The following C7orf33 variants were observed in gnomAD, a reference collection of about 807,000 sequenced individuals.
C7orf33 encodes the protein uncharacterized protein C7orf33.
In C7orf33, 15 loss-of-function variants were observed where a neutral mutation model predicts 13.4. The ratio of observed to expected loss-of-function variants is 1.12; its 90% confidence interval spans 0.75 to 1.72. C7orf33 has a LOEUF of 1.72. C7orf33 is among the 40% of genes most tolerant of loss of function. The probability of loss-of-function intolerance (pLI) is 0.00; values close to 1 mark genes in which losing one functional copy is unlikely to be tolerated. For synonymous variants in C7orf33, 73 were observed against 83.2 expected, an observed-to-expected ratio of 0.88 and a Z score of 0.67; for missense variants, 187 against 220.3, an observed-to-expected ratio of 0.85 and a Z score of 0.96.
intron 1 of C7orf33, among the ~76,000 whole-genome samples, chr7:148,593,804 T>A (rs1409700524): frequency 1.3e-5 from 2 of 152,094 alleles, no homozygotes; most frequent in Non-Finnish European, 2.9e-5. Context: ...GAGAGATGCC[T>A]GCTGGAAAAG....
chr7:148,611,087 G>A (rs4263667), intron 1 of C7orf33, among the ~76,000 whole-genome samples: 81,340 of 151,896 alleles, frequency 0.54, 21,975 homozygotes, highest in East Asian at 0.57. Context: ...TTGCCAGACT[G>A]TAGGTGGGCA....
In C7orf33 at chr7:148,599,656, G is replaced by A. The variant is rs191781760; in HGVS notation, c.204+8527G>A. The stretch of plus-strand genomic sequence containing the variant: ...CGTCCTGCTAATTTTTGTATTTTTA[G>A]TAGAGATGGGGTTTCACCATGTTGG... On this transcript the variant is annotated intron_variant, in intron 1 of 2. Transcript: ENST00000307003. Among the ~76,000 whole-genome samples the A allele has an allele frequency of 3.3e-3, 499 of 151,984 alleles. 8 individuals carry two copies. Among genetic ancestry groups the A allele is most frequent in the African/African-American group, 0.011 (457 of 41,466 alleles).
intron 1 of C7orf33, among the ~76,000 whole-genome samples, chr7:148,610,478 C>T (rs561537049): frequency 6.6e-6 from 1 of 152,304 alleles, no homozygotes; most frequent in South Asian, 2.1e-4. Context: ...TTTTGGGACT[C>T]GGACTGGCTG....
chr7:148,605,648 C>G (rs1585462311), intron 1 of C7orf33, among the ~76,000 whole-genome samples: 1 of 152,166 alleles, frequency 6.6e-6, no homozygotes, highest in South Asian at 2.1e-4. Flanking sequence ...CTCATATTCA[C>G]CAGAACCAGT....
intron 1 of C7orf33, among the ~76,000 whole-genome samples, chr7:148,607,119 A>G (rs1196597805): frequency 6.6e-6 from 1 of 152,146 alleles, no homozygotes; most frequent in African/African-American, 2.4e-5. Context: ...AAGAATAGTG[A>G]TTTTTAGAGA....
At chr7:148,602,621 G>A (rs1796429271) in intron 1 of C7orf33, among the ~76,000 whole-genome samples, 1 of 151,886 alleles carries the variant, frequency 6.6e-6, no homozygotes, top group African/African-American at 2.4e-5. Flanking sequence ...TAAAAGTCAA[G>A]GATTCCTGCT....
At chr7:148,599,785 A>G (rs1248374082) in intron 1 of C7orf33, among the ~76,000 whole-genome samples, 1 of 151,960 alleles carries the variant, frequency 6.6e-6, no homozygotes, top group East Asian at 1.9e-4. Flanking sequence ...GAATTCTCAG[A>G]TTTCTTAAAG....
At position 148,614,232 on chromosome 7, in the gene C7orf33, G is replaced by T. The variant is rs1242273718; in HGVS notation, c.395G>T (p.Ser132Ile). ...SDPVVGTLSS[S>I]YLDLLTLSYK... ...CCAGTTGTCGGCACCTTGTCTTCCA[G>T]TTACCTAGATCTGCTAACTCTCTCT... The change falls in exon 2 of 3, where the codon AGT becomes ATT. Residue 132 changes from serine (S) to isoleucine (I), a missense_variant. By Grantham distance (142) the Ser-to-Ile change is moderately radical. Coordinates refer to ENST00000307003, the MANE Select transcript of C7orf33 (RefSeq NM_145304.4). 2 of 1,614,040 alleles carry T rather than the reference G, an allele frequency of 1.2e-6. No homozygotes were observed. Among genetic ancestry groups the T allele is most frequent in the Admixed American group, 3.3e-5 (2 of 59,998 alleles).
rs6965813 is a variant in C7orf33, at chr7:148,614,122, G to A, written c.285G>A (p.Pro95=). The A allele has an allele frequency of 2.0e-3, 3,167 of 1,614,132 alleles. 53 individuals carry two copies. In the African/African-American group the frequency reaches 0.036, roughly 18 times the overall value. ...CAGCTCCCACCAAATCTGGTGCCCCGTGGCATTTTCTTTCTCAAGGTCCCA... is the reference window on the plus strand; with the variant it reads ...CAGCTCCCACCAAATCTGGTGCCCCATGGCATTTTCTTTCTCAAGGTCCCA... ...PVSAPTKSGA[P]WHFLSQGPTD... is the part of the protein sequence containing the mutation. The change falls in exon 2 of 3, where the codon CCG becomes CCA. Residue 95 remains proline (P), a synonymous_variant. Transcript: ENST00000307003.
chr7:148,600,275 C>T (rs1297342954), intron 1 of C7orf33, among the ~76,000 whole-genome samples: 3 of 152,106 alleles, frequency 2.0e-5, no homozygotes, highest in Non-Finnish European at 4.4e-5. Flanking sequence ...TCAAGACCAG[C>T]CTGGCCAATG....
At chr7:148,591,599 G>C (rs973300026) in intron 1 of C7orf33, among the ~76,000 whole-genome samples, 6 of 152,066 alleles carry the variant, frequency 3.9e-5, no homozygotes, top group Non-Finnish European at 8.8e-5. Context: ...TGTTGTTTTA[G>C]AGATAGTATC....
At chr7:148,592,408 C>G (rs1243591105) in intron 1 of C7orf33, among the ~76,000 whole-genome samples, 2 of 152,132 alleles carry the variant, frequency 1.3e-5, no homozygotes, top group Non-Finnish European at 2.9e-5. Context: ...AAATGATAAT[C>G]AATGACGTAT....
chr7:148,591,216 T>G, intron 1 of C7orf33, 87 bp downstream of exon 1: 1 of 1,134,626 alleles, frequency 8.8e-7, no homozygotes, highest in South Asian at 1.3e-5. Context: ...CATGAATGTT[T>G]TTGACTCTCT....
chr7:148,602,364 A>AC (rs1464816045), intron 1 of C7orf33, among the ~76,000 whole-genome samples: 1 of 152,170 alleles, frequency 6.6e-6, no homozygotes, highest in African/African-American at 2.4e-5. Flanking sequence ...CGGGAGGCCA[A>AC]CGCAGGTGGA....
chr7:148,613,198 A>G (rs938182643), intron 1 of C7orf33, among the ~76,000 whole-genome samples: 6 of 152,108 alleles, frequency 3.9e-5, no homozygotes, highest in Admixed American at 3.9e-4. Context: ...CTCTATTTCC[A>G]TGGGCTCAAG....
intron 1 of C7orf33, among the ~76,000 whole-genome samples, chr7:148,598,755 TATATATATAGAGAGAGAGAGAGAGAG>T (rs1319014241): frequency 3.7e-3 from 194 of 52,442 alleles, no homozygotes; most frequent in African/African-American, 0.016. Flanking sequence ...TATATATATA[TATATATATAGAGAGAGAGAGAGAGAG>T]AGAGAGAGAG....
chr7:148,609,247 A>G (rs1796510243), intron 1 of C7orf33, among the ~76,000 whole-genome samples: 1 of 152,174 alleles, frequency 6.6e-6, no homozygotes, highest in African/African-American at 2.4e-5. Flanking sequence ...CAGGCTTGAC[A>G]GGGTCTCTGT....
Position 148,604,120 on chromosome 7 carries a change from C to CTTT in C7orf33, c.205-9909_205-9907dup, listed in dbSNP as rs397686514. 6.8e-3 allele frequency among the ~76,000 whole-genome samples: 968 copies of CTTT among 141,650 alleles called. 9 individuals are homozygous for CTTT. The highest frequency in any genetic ancestry group is 0.011 in the African/African-American group (435 of 38,550). 92.9% of individuals were successfully genotyped at this position (141,650 alleles called of 152,430 possible). A position where few individuals can be genotyped will look rare whatever the true frequency, so the allele number is the denominator to read the frequency against. On this transcript the variant is annotated intron_variant, in intron 1 of 2. Coordinates refer to ENST00000307003, the MANE Select transcript of C7orf33 (RefSeq NM_145304.4). ...CTGGATGGAATTAGGGACCATTATT[C>CTTT]TTTTTTTTTTTTTTTCCTTTTTTCG...
At chr7:148,598,761 TATAGAGAGAGAGAGAGAGAG>T (rs1230297635) in intron 1 of C7orf33, among the ~76,000 whole-genome samples, 28 of 27,498 alleles carry the variant, frequency 1.0e-3, no homozygotes, top group African/African-American at 2.0e-3. Flanking sequence ...TATATATATA[TATAGAGAGAGAGAGAGAGAG>T]AGAGAGAGAG....
Sources: allele counts gnomAD v4.1 joint callset (sites outside exome capture counted in the v4.1 genomes callset), GRCh38; gene constraint gnomAD v4.1.1; transcripts MANE v1.5; gene names NCBI Gene and HGNC (gene_info 2026-07-23, HGNC 2026-07-21).